The following CFAP43 variants were observed in gnomAD, a reference collection of about 807,000 sequenced individuals.
The protein encoded by CFAP43 is cilia and flagella associated protein 43.
In CFAP43, 155 loss-of-function variants were observed where a neutral mutation model predicts 218.9. The observed-to-expected ratio is 0.71, with a 90% CI of 0.62 to 0.81. The LOEUF (loss-of-function observed/expected upper bound fraction) is 0.81. CFAP43 is among the 30% of genes least tolerant of loss of function. The pLI is 0.00. For synonymous variants in CFAP43, 645 were observed against 681.3 expected, an observed-to-expected ratio of 0.95 and a Z score of 0.83; for missense variants, 1,778 against 1,954.3, an observed-to-expected ratio of 0.91 and a Z score of 1.70.
At chr10:104,209,071 C>T (rs1166023922) in intron 5 of CFAP43, among the ~76,000 whole-genome samples, 1 of 152,036 alleles carries the variant, frequency 6.6e-6, no homozygotes, top group Non-Finnish European at 1.5e-5. Flanking sequence ...TTTTTAAGAC[C>T]TTATACAGAT....
chr10:104,166,220 C>T (rs191215286), intron 23 of CFAP43, among the ~76,000 whole-genome samples: 27 of 152,222 alleles, frequency 1.8e-4, no homozygotes, highest in Admixed American at 3.9e-4. Flanking sequence ...ATTACAGGCA[C>T]GCACCACCAT....
At chr10:104,192,391 T>C in intron 11 of CFAP43, 89 bp from the exon 12 acceptor site, 1 of 950,812 alleles carries the variant, frequency 1.1e-6, no homozygotes, top group Non-Finnish European at 1.6e-6. Flanking sequence ...AGAGATATGT[T>C]CAAAGCCAGT....
Position 104,142,429 on chromosome 10 carries a change from T to C in CFAP43, c.4159-36A>G, listed in dbSNP as rs2087750817. 1.9e-6 allele frequency: 3 copies of C among 1,539,472 alleles called. No individual in the cohort carries two copies. The East Asian group carries it at 6.8e-5, about 35-fold the overall frequency. ...CAAGCCAGAAACATGTCAGAACATA[T>C]GGAGCTTCAATTTTAGACAACATAC... On this transcript the variant is annotated intron_variant, in intron 32 of 37. Coordinates refer to ENST00000357060, the MANE Select transcript of CFAP43 (RefSeq NM_025145.7).
intron 19 of CFAP43, among the ~76,000 whole-genome samples, chr10:104,175,483 T>C (rs2089594168): frequency 6.6e-6 from 1 of 152,212 alleles, no homozygotes; most frequent in African/African-American, 2.4e-5. Context: ...CAACTTATGA[T>C]GGGGTTATGG....
intron 3 of CFAP43, among the ~76,000 whole-genome samples, chr10:104,219,607 C>T (rs1418196071): frequency 6.6e-6 from 1 of 152,100 alleles, no homozygotes; most frequent in African/African-American, 2.4e-5. Flanking sequence ...CCCAGTATGC[C>T]TAGGAGAAAC....
chr10:104,170,761 A>C (rs556840870), intron 20 of CFAP43, among the ~76,000 whole-genome samples: 25 of 152,228 alleles, frequency 1.6e-4, no homozygotes, highest in Non-Finnish European at 3.1e-4. Flanking sequence ...ACCTCTTGTG[A>C]TAAGAAAATG....
At position 104,130,049 on chromosome 10, in the gene CFAP43, T is replaced by G. The variant is rs529960543; in HGVS notation, c.*90A>C. The G allele has an allele frequency of 7.0e-7, 1 of 1,422,240 alleles. No individual in the cohort carries two copies. Among genetic ancestry groups the G allele is most frequent in the Non-Finnish European group, 9.3e-7 (1 of 1,075,078 alleles). 88.1% of individuals were successfully genotyped at this position (1,422,240 alleles called of 1,614,324 possible). ...ACTCAGAGGACATGCTACTTCAATT[T>G]CCCAGTAAGAAAGAAAAGGAAATCA... On this transcript the variant is annotated 3_prime_UTR_variant, in exon 38 of 38. Coordinates refer to ENST00000357060, the MANE Select transcript of CFAP43 (RefSeq NM_025145.7).
chr10:104,154,218 ATTC>A (rs2088423225), intron 27 of CFAP43, among the ~76,000 whole-genome samples: 1 of 152,228 alleles, frequency 6.6e-6, no homozygotes, highest in Non-Finnish European at 1.5e-5. Context: ...TCCATTGATA[ATTC>A]TTATTTAAAT....
intron 2 of CFAP43, among the ~76,000 whole-genome samples, chr10:104,228,107 G>T (rs570731054): frequency 2.6e-5 from 4 of 152,166 alleles, no homozygotes; most frequent in Admixed American, 2.6e-4. Context: ...CTCCCAAAGT[G>T]CTGGGATTAC....
intron 5 of CFAP43, among the ~76,000 whole-genome samples, chr10:104,210,710 A>G (rs561064852): frequency 8.0e-5 from 12 of 149,914 alleles, no homozygotes; most frequent in African/African-American, 2.7e-4. Context: ...ATCTTTTCTC[A>G]GTTCCTTACA....
chr10:104,176,088 G>T, intron 19 of CFAP43, among the ~76,000 whole-genome samples: 1 of 152,024 alleles, frequency 6.6e-6, no homozygotes, highest in East Asian at 1.9e-4. Flanking sequence ...GGCAAAAGGA[G>T]AATTATTCTC....
chr10:104,180,576 G>A (rs1345011000), intron 17 of CFAP43, among the ~76,000 whole-genome samples: 1 of 151,490 alleles, frequency 6.6e-6, no homozygotes, highest in Non-Finnish European at 1.5e-5. Flanking sequence ...CTCCTGAGTA[G>A]CTGGGACTAC....
intron 33 of CFAP43, among the ~76,000 whole-genome samples, chr10:104,141,611 AAAAT>A (rs1017661968): frequency 1.3e-5 from 2 of 152,130 alleles, no homozygotes; most frequent in Admixed American, 6.6e-5. Context: ...GCTCCATTTC[AAAAT>A]AAATAAATAA....
chr10:104,230,888 A>T, intron 1 of CFAP43, 45 bp from the exon 2 acceptor site: 5 of 1,495,412 alleles, frequency 3.3e-6, no homozygotes, highest in Admixed American at 2.3e-5. Flanking sequence ...CATTTCAAAT[A>T]CTTTTTTTTT....
intron 2 of CFAP43, among the ~76,000 whole-genome samples, chr10:104,225,983 T>C (rs1036581702): frequency 1.3e-5 from 2 of 152,266 alleles, no homozygotes; most frequent in African/African-American, 2.4e-5. Flanking sequence ...AGGCCATATC[T>C]GGCCCTTAGC....
intron 16 of CFAP43, among the ~76,000 whole-genome samples, chr10:104,183,492 C>G (rs984523102): frequency 6.6e-6 from 1 of 151,878 alleles, no homozygotes; most frequent in Non-Finnish European, 1.5e-5. Flanking sequence ...CGGGTTCACG[C>G]CATTCTCCTG....
intron 4 of CFAP43, among the ~76,000 whole-genome samples, chr10:104,213,925 T>C (rs2090938877): frequency 6.6e-6 from 1 of 152,226 alleles, no homozygotes; most frequent in Non-Finnish European, 1.5e-5. Flanking sequence ...CTCTCCTTTT[T>C]ATACAACAGG....
intron 33 of CFAP43, among the ~76,000 whole-genome samples, chr10:104,141,559 C>G (rs1005149211): frequency 3.9e-5 from 6 of 151,988 alleles, no homozygotes; most frequent in Non-Finnish European, 8.8e-5. Context: ...TGCAGTGAGC[C>G]CAGATCGTGC....
At chr10:104,225,425 C>A in intron 3 of CFAP43, 36 bp downstream of exon 3, 1 of 1,474,662 alleles carries the variant, frequency 6.8e-7, no homozygotes, top group South Asian at 1.2e-5. Context: ...AAAATGTAAC[C>A]CAGTAAAAGG....
Sources: allele counts gnomAD v4.1 joint callset (sites outside exome capture counted in the v4.1 genomes callset), GRCh38; gene constraint gnomAD v4.1.1; transcripts MANE v1.5; gene names NCBI Gene and HGNC (gene_info 2026-07-23, HGNC 2026-07-21).